Variants in ZNF280D observed in about 807,000 individuals in gnomAD.
The protein encoded by ZNF280D is suppressor of hairy wing homolog 4.
ZNF280D carries 39 observed loss-of-function variants against 94.7 expected under a neutral mutation model. That is an observed-to-expected ratio of 0.41 (90% CI 0.32 to 0.54). ZNF280D has a LOEUF of 0.54. Among genes scored for constraint, ZNF280D ranks in the 20% least tolerant of loss-of-function variants. The pLI, the probability that ZNF280D is intolerant of heterozygous loss-of-function variation, is 0.22. For synonymous variants in ZNF280D, 398 were observed against 377.6 expected (o/e 1.05, Z -0.63); for missense variants, 1,090 against 1,149.3 (o/e 0.95, Z 0.75).
intron 1 of ZNF280D, among the ~76,000 whole-genome samples, chr15:56,722,561 T>C (rs2058421838): frequency 6.6e-6 from 1 of 152,162 alleles, no homozygotes; most frequent in Admixed American, 6.5e-5. Context: ...TGGCAATCAT[T>C]AAAAAGTCAG....
intron 3 of ZNF280D, among the ~76,000 whole-genome samples, chr15:56,706,682 C>G (rs977605859): frequency 3.9e-5 from 6 of 151,980 alleles, no homozygotes; most frequent in Non-Finnish European, 8.8e-5. Flanking sequence ...GCAGCCCTAG[C>G]AAACTCATAT....
At chr15:56,643,112 C>T (rs1228178945) in intron 19 of ZNF280D, 115 bp from the exon 20 acceptor site, 3 of 602,738 alleles carry the variant, frequency 5.0e-6, no homozygotes, top group Non-Finnish European at 7.8e-6. Context: ...AACTAATGTA[C>T]ATTTTATACT....
chr15:56,720,107 T>C (rs2058274284), intron 1 of ZNF280D, among the ~76,000 whole-genome samples: 1 of 152,132 alleles, frequency 6.6e-6, no homozygotes, highest in Non-Finnish European at 1.5e-5. Flanking sequence ...CTTGGTAGCA[T>C]ACGATGCTGT....
At chr15:56,647,738 G>A (rs147022206) in intron 19 of ZNF280D, among the ~76,000 whole-genome samples, 1,795 of 151,972 alleles carry the variant, frequency 0.012, 33 homozygotes, top group African/African-American at 0.041. Flanking sequence ...ACCATGTTGC[G>A]CAGGCTGGTC....
intron 1 of ZNF280D, among the ~76,000 whole-genome samples, chr15:56,725,872 TACAAAC>T (rs1236620463): frequency 6.6e-6 from 1 of 152,130 alleles, no homozygotes; most frequent in African/African-American, 2.4e-5. Flanking sequence ...GCATTGTGTT[TACAAAC>T]ACAAAGAAAC....
At chr15:56,702,928 C>G (rs1413938147) in intron 4 of ZNF280D, among the ~76,000 whole-genome samples, 2 of 149,880 alleles carry the variant, frequency 1.3e-5, no homozygotes, top group Non-Finnish European at 3.0e-5. Context: ...CACACACACA[C>G]ACACACACAC....
rs575514882 is a variant in ZNF280D, at chr15:56,710,962, A to C, written c.-85-3656T>G. Reference sequence around the variant, plus strand: ...ACCAGGAGAACCAAGTCATAGTACCAGCATGGCCACAACCTTCTGCCAAGT... The same window carrying C: ...ACCAGGAGAACCAAGTCATAGTACCCGCATGGCCACAACCTTCTGCCAAGT... On this transcript the variant is annotated intron_variant, in intron 1 of 21. Transcript: ENST00000267807. Among the ~76,000 whole-genome samples the C allele has an allele frequency of 8.1e-4, 123 of 152,366 alleles. 1 individual carries two copies. Among genetic ancestry groups the C allele is most frequent in the African/African-American group, 2.6e-3 (110 of 41,598 alleles).
rs142516422 is a variant in ZNF280D at position 56,647,222 on chromosome 15, G to C, written c.2214-4225C>G. On this transcript the variant is annotated intron_variant, in intron 19 of 21. Coordinates refer to ENST00000267807, the MANE Select transcript of ZNF280D (RefSeq NM_017661.4). ...GACTTTCTCAATTAAAACAGTAACA[G>C]TGTCAATGGAGAAAAGGTTGGTTTA... Among the ~76,000 whole-genome samples, 88 of 152,308 alleles carry C rather than the reference G, an allele frequency of 5.8e-4. 1 individual carries two copies. Among genetic ancestry groups the C allele is most frequent in the African/African-American group, 2.0e-3 (85 of 41,576 alleles).
chr15:56,727,964 C>T (rs1312615674), intron 1 of ZNF280D, among the ~76,000 whole-genome samples: 3 of 152,092 alleles, frequency 2.0e-5, no homozygotes, highest in African/African-American at 4.8e-5. Flanking sequence ...ATGGACCATG[C>T]TGTTCTGCTC....
Position 56,733,490 on chromosome 15 carries a change from C to T in ZNF280D, c.-118G>A. ...GGAGCGGATCGGCCTGACTGGAGCCCTGAGGAGGAGGAGAAAGAGGAGGAG... is the reference window on the plus strand; with the variant it reads ...GGAGCGGATCGGCCTGACTGGAGCCTTGAGGAGGAGGAGAAAGAGGAGGAG... On this transcript the variant is annotated 5_prime_UTR_variant, in exon 1 of 22. Transcript: ENST00000267807. The T allele has an allele frequency of 9.7e-6, 11 of 1,137,732 alleles. No individual in the cohort carries two copies. The highest frequency in any genetic ancestry group is 1.7e-5 in the South Asian group (1 of 58,800). 70.5% of individuals were successfully genotyped at this position (1,137,732 alleles called of 1,614,324 possible).
chr15:56,694,443 C>A (rs893122898), intron 6 of ZNF280D, among the ~76,000 whole-genome samples: 1 of 151,438 alleles, frequency 6.6e-6, no homozygotes. Flanking sequence ...ACATAACAAG[C>A]GGATTAACAA....
chr15:56,682,514 C>T (rs1674706778), intron 9 of ZNF280D, 37 bp from the exon 10 acceptor site: 3 of 1,320,734 alleles, frequency 2.3e-6, no homozygotes, highest in Non-Finnish European at 2.0e-6. Context: ...ACAAGCCTTA[C>T]TTATTCTTTA....
intron 14 of ZNF280D, chr15:56,668,059 T>C (rs1214807481): frequency 2.3e-6 from 1 of 430,616 alleles, no homozygotes; most frequent in Non-Finnish European, 4.6e-6. Flanking sequence ...GGATGCTGGA[T>C]AGCTTCTCTT....
intron 1 of ZNF280D, among the ~76,000 whole-genome samples, chr15:56,724,516 A>T (rs1333715062): frequency 6.6e-6 from 1 of 152,222 alleles, no homozygotes; most frequent in African/African-American, 2.4e-5. Flanking sequence ...ATTCTGAGAT[A>T]AAAAGGCTGA....
intron 1 of ZNF280D, among the ~76,000 whole-genome samples, chr15:56,711,960 A>G (rs896289196): frequency 2.0e-5 from 3 of 152,206 alleles, no homozygotes; most frequent in South Asian, 2.1e-4. Flanking sequence ...GCAGGCAATT[A>G]TAACACAAAT....
At chr15:56,732,309 A>C (rs2058930908) in intron 1 of ZNF280D, among the ~76,000 whole-genome samples, 2 of 152,190 alleles carry the variant, frequency 1.3e-5, no homozygotes, top group Non-Finnish European at 2.9e-5. Flanking sequence ...TTATCAATGA[A>C]AGGCACAAAA....
At chr15:56,685,231 T>A (rs2055918384) in intron 9 of ZNF280D, among the ~76,000 whole-genome samples, 1 of 152,058 alleles carries the variant, frequency 6.6e-6, no homozygotes, top group Non-Finnish European at 1.5e-5. Context: ...TACTACAGAA[T>A]GAACTTCAGC....
Position 56,733,475 on chromosome 15 carries a change from G to T in ZNF280D, c.-103C>A, listed in dbSNP as rs1259988865. On this transcript the variant is annotated 5_prime_UTR_variant, in exon 1 of 22. Transcript: ENST00000267807. ...GCGCTTACCGTGAGCGGAGCGGATC[G>T]GCCTGACTGGAGCCCTGAGGAGGAG... 9.0e-7 allele frequency: 1 copy of T among 1,116,748 alleles called. No homozygotes were observed. The highest frequency in any genetic ancestry group is 1.1e-6 in the Non-Finnish European group (1 of 905,610). 69.2% of individuals were successfully genotyped at this position (1,116,748 alleles called of 1,614,324 possible). A position where few individuals can be genotyped will look rare whatever the true frequency, so the allele number is the denominator to read the frequency against.
intron 9 of ZNF280D, among the ~76,000 whole-genome samples, chr15:56,687,592 G>C (rs889795520): frequency 4.6e-5 from 7 of 152,074 alleles, no homozygotes; most frequent in Non-Finnish European, 1.0e-4. Flanking sequence ...ATCTTTGCAG[G>C]CTTTTTAATT....
Sources: allele counts gnomAD v4.1 joint callset (sites outside exome capture counted in the v4.1 genomes callset), GRCh38; gene constraint gnomAD v4.1.1; transcripts MANE v1.5; gene names NCBI Gene and HGNC (gene_info 2026-07-23, HGNC 2026-07-21).